The following SLC9A9 variants were observed in gnomAD, a reference collection of about 807,000 sequenced individuals.
SLC9A9 encodes sodium/hydrogen exchanger 9.
Under a neutral mutation model 77.8 loss-of-function variants are expected in SLC9A9, and 62 were observed. The ratio of observed to expected loss-of-function variants is 0.80; its 90% CI spans 0.65 to 0.98. The LOEUF is 0.98. SLC9A9 is among the 50% of genes least tolerant of loss of function. SLC9A9 has a pLI of 0.00. For synonymous variants in SLC9A9, 320 were observed against 283.5 expected, an observed-to-expected ratio of 1.13 and a Z score of -1.29; for missense variants, 775 against 774.9, an observed-to-expected ratio of 1.00 and a Z score of 0.00.
chr3:143,740,037 T>C (rs1467304612), intron 4 of SLC9A9, among the ~76,000 whole-genome samples: 7 of 152,186 alleles, frequency 4.6e-5, no homozygotes, highest in Admixed American at 4.6e-4. Context: ...GCAAGAGCAT[T>C]GCCATCAGGA....
chr3:143,628,893 T>C (rs149816661), intron 6 of SLC9A9, among the ~76,000 whole-genome samples: 49 of 152,294 alleles, frequency 3.2e-4, no homozygotes, highest in Non-Finnish European at 6.2e-4. Context: ...CAGATTAATA[T>C]ATTCAAAACT....
chr3:143,562,476 G>C (rs1020402315), intron 8 of SLC9A9, among the ~76,000 whole-genome samples: 4 of 151,992 alleles, frequency 2.6e-5, no homozygotes, highest in Non-Finnish European at 4.4e-5. Flanking sequence ...ATCCATTATA[G>C]ATAGGGAATA....
Position 143,841,547 on chromosome 3 carries a change from A to G in SLC9A9, c.175+6601T>C, listed in dbSNP as rs143006722. Among the ~76,000 whole-genome samples the G allele has an allele frequency of 6.7e-3, 1,018 of 152,300 alleles. 10 individuals are homozygous for G. Among genetic ancestry groups the G allele is most frequent in the African/African-American group, 0.023 (967 of 41,562 alleles). ...TCATTAACTATGTAACATTAATTCAATGTAGATGGTATATGATATCTACAT... is the reference window on the plus strand; with the variant it reads ...TCATTAACTATGTAACATTAATTCAGTGTAGATGGTATATGATATCTACAT... On this transcript the variant is annotated intron_variant, in intron 1 of 15. Coordinates refer to ENST00000316549, the MANE Select transcript of SLC9A9 (RefSeq NM_173653.4).
intron 9 of SLC9A9, among the ~76,000 whole-genome samples, chr3:143,532,018 T>C (rs2036517362): frequency 6.6e-6 from 1 of 152,258 alleles, no homozygotes; most frequent in Admixed American, 6.5e-5. Context: ...TCCAGCTGCC[T>C]TCCATTAAAC....
intron 2 of SLC9A9, among the ~76,000 whole-genome samples, chr3:143,829,772 G>A (rs1175201368): frequency 6.6e-6 from 1 of 152,200 alleles, no homozygotes; most frequent in Non-Finnish European, 1.5e-5. Flanking sequence ...GGCAGTGGTA[G>A]TGCAGTGGCA....
Position 143,464,640 on chromosome 3 carries a change from T to A in SLC9A9, c.1469+2397A>T, listed in dbSNP as rs193183495. Among the ~76,000 whole-genome samples the A allele has an allele frequency of 8.1e-4, 123 of 152,204 alleles. 1 individual carries two copies. Among genetic ancestry groups the A allele is most frequent in the Middle Eastern group, 3.4e-3 (1 of 294 alleles). On this transcript the variant is annotated intron_variant, in intron 12 of 15. Coordinates refer to ENST00000316549, the MANE Select transcript of SLC9A9 (RefSeq NM_173653.4). Reference sequence around the variant, plus strand: ...CTCCATCTCCACTAGCGGTAGGAAGTCTAAACCAGCGATTCTCAAAATGTG... The same window carrying A: ...CTCCATCTCCACTAGCGGTAGGAAGACTAAACCAGCGATTCTCAAAATGTG...
chr3:143,767,798 G>A (rs954720615), intron 4 of SLC9A9, among the ~76,000 whole-genome samples: 161 of 152,094 alleles, frequency 1.1e-3, no homozygotes, highest in African/African-American at 3.6e-3. Flanking sequence ...ATCACTTCAC[G>A]CATTTCTATG....
At chr3:143,700,935 A>G (rs1376883302) in intron 4 of SLC9A9, among the ~76,000 whole-genome samples, 1 of 152,244 alleles carries the variant, frequency 6.6e-6, no homozygotes, top group Admixed American at 6.5e-5. Flanking sequence ...CCTCAACCCC[A>G]GGTCCAGGCA....
At chr3:143,573,868 T>C (rs2037311559) in intron 8 of SLC9A9, among the ~76,000 whole-genome samples, 1 of 152,172 alleles carries the variant, frequency 6.6e-6, no homozygotes, top group South Asian at 2.1e-4. Flanking sequence ...GAGGAAAGCA[T>C]TTAGGAGATG....
At chr3:143,556,624 T>C (rs929200675) in intron 8 of SLC9A9, among the ~76,000 whole-genome samples, 5 of 152,320 alleles carry the variant, frequency 3.3e-5, no homozygotes, top group African/African-American at 1.2e-4. Context: ...ACTCCTAGGG[T>C]TCACACTTGC....
chr3:143,694,491 C>CT (rs1189862767), intron 4 of SLC9A9, among the ~76,000 whole-genome samples: 2 of 152,064 alleles, frequency 1.3e-5, no homozygotes, highest in African/African-American at 4.8e-5. Context: ...GTCACTGAGG[C>CT]TAAAAATAAT....
intron 6 of SLC9A9, among the ~76,000 whole-genome samples, chr3:143,623,380 C>A (rs1449412137): frequency 6.6e-6 from 1 of 152,160 alleles, no homozygotes; most frequent in Admixed American, 6.5e-5. Context: ...CACTCCTCAG[C>A]AAATGTAAAA....
chr3:143,309,577 A>C (rs1295990507), intron 14 of SLC9A9, among the ~76,000 whole-genome samples: 1 of 152,020 alleles, frequency 6.6e-6, no homozygotes, highest in African/African-American at 2.4e-5. Flanking sequence ...TTCCTAGTTG[A>C]GTGTAGGATT....
intron 14 of SLC9A9, among the ~76,000 whole-genome samples, chr3:143,341,566 A>G (rs1258438871): frequency 6.6e-6 from 1 of 152,160 alleles, no homozygotes; most frequent in Non-Finnish European, 1.5e-5. Flanking sequence ...GCTGTGCCAA[A>G]TGTTTGAGGA....
intron 5 of SLC9A9, among the ~76,000 whole-genome samples, chr3:143,657,496 G>T (rs1232693068): frequency 6.6e-6 from 1 of 152,148 alleles, no homozygotes; most frequent in Admixed American, 6.5e-5. Flanking sequence ...AGGTTCCTGG[G>T]AACTATCCAG....
rs113530600 is a variant in SLC9A9 at position 143,310,158 on chromosome 3, A to G, written c.1605-41178T>C. On this transcript the variant is annotated intron_variant, in intron 14 of 15. Transcript: ENST00000316549. Reference sequence around the variant, plus strand: ...GTGCTGCTGAACTGACAGAGGCTGTAGAGTCAACTGGAAAGGATTTTTTGG... The same window carrying G: ...GTGCTGCTGAACTGACAGAGGCTGTGGAGTCAACTGGAAAGGATTTTTTGG... Among the ~76,000 whole-genome samples the G allele has an allele frequency of 2.8e-3, 419 of 152,298 alleles. 3 individuals carry two copies. The highest frequency in any genetic ancestry group is 9.6e-3 in the African/African-American group (401 of 41,570).
chr3:143,479,235 G>C, intron 11 of SLC9A9, among the ~76,000 whole-genome samples: 1 of 152,204 alleles, frequency 6.6e-6, no homozygotes, highest in East Asian at 1.9e-4. Flanking sequence ...ATTTTGAGTC[G>C]CAACATTTTT....
intron 12 of SLC9A9, among the ~76,000 whole-genome samples, chr3:143,437,676 T>G (rs1178049175): frequency 6.6e-6 from 1 of 152,242 alleles, no homozygotes; most frequent in Admixed American, 6.5e-5. Context: ...GTTATGATCC[T>G]ACTGTTAGGG....
intron 2 of SLC9A9, among the ~76,000 whole-genome samples, chr3:143,816,768 A>T (rs750069978): frequency 1.2e-4 from 19 of 152,236 alleles, no homozygotes; most frequent in Non-Finnish European, 2.2e-4. Flanking sequence ...TTACACTCCC[A>T]TAGTAAAGTG....
Sources: gnomAD v4.1 joint callset for allele counts (sites outside exome capture counted in the v4.1 genomes callset) on GRCh38, gnomAD v4.1.1 for gene constraint, MANE v1.5 for transcripts, NCBI Gene and HGNC (gene_info 2026-07-23, HGNC 2026-07-21) for gene names.